The following LRRTM4 variants were observed in gnomAD, a reference collection of about 807,000 sequenced individuals.
LRRTM4 encodes the protein leucine-rich repeat transmembrane neuronal protein 4.
A neutral mutation model predicts 47.6 loss-of-function variants in LRRTM4; 25 were observed. The observed-to-expected ratio is 0.53, with a 90% CI of 0.38 to 0.73. The LOEUF (loss-of-function observed/expected upper bound fraction) is 0.73, where lower values mean the gene tolerates loss of function less well. Among genes scored for constraint, LRRTM4 ranks in the 30% least tolerant of loss-of-function variants. The probability of loss-of-function intolerance (pLI) is 0.00; values close to 1 mark genes in which losing one functional copy is unlikely to be tolerated. For synonymous variants in LRRTM4, 311 were observed against 269.5 expected (o/e 1.15, Z -1.51); for missense variants, 638 against 713.4 (o/e 0.89, Z 1.20).
intron 3 of LRRTM4, among the ~76,000 whole-genome samples, chr2:77,011,290 G>C (rs1280205924): frequency 6.6e-6 from 1 of 152,054 alleles, no homozygotes; most frequent in Non-Finnish European, 1.5e-5. Flanking sequence ...CTAAAAATTA[G>C]AGTGTATTTG....
chr2:77,276,908 C>G (rs115397811), intron 3 of LRRTM4, among the ~76,000 whole-genome samples: 1 of 150,968 alleles, frequency 6.6e-6, no homozygotes, highest in South Asian at 2.1e-4. Flanking sequence ...GAAAAGAGGG[C>G]AAATTTCGAG....
chr2:76,798,946 G>A (rs1304447096), intron 3 of LRRTM4, among the ~76,000 whole-genome samples: 2 of 150,374 alleles, frequency 1.3e-5, no homozygotes, highest in East Asian at 1.9e-4. Flanking sequence ...AGCTGAAATT[G>A]TGGCAATAAT....
chr2:77,232,380 C>G (rs1266618823), intron 3 of LRRTM4, among the ~76,000 whole-genome samples: 2 of 152,194 alleles, frequency 1.3e-5, no homozygotes, highest in African/African-American at 4.8e-5. Flanking sequence ...TAACATGTAT[C>G]TTTCCATGTT....
chr2:77,260,025 A>G (rs1383161458), intron 3 of LRRTM4, among the ~76,000 whole-genome samples: 1 of 152,082 alleles, frequency 6.6e-6, no homozygotes, highest in East Asian at 1.9e-4. Context: ...AATTAGTGTC[A>G]GGAGGTTTTA....
chr2:77,018,473 T>G (rs1050984795), intron 3 of LRRTM4, among the ~76,000 whole-genome samples: 1 of 152,124 alleles, frequency 6.6e-6, no homozygotes, highest in Non-Finnish European at 1.5e-5. Flanking sequence ...TGCACTAGAC[T>G]GCTCTGTATG....
chr2:76,942,178 G>A (rs1405841556), intron 3 of LRRTM4, among the ~76,000 whole-genome samples: 1 of 151,664 alleles, frequency 6.6e-6, no homozygotes, highest in African/African-American at 2.4e-5. Context: ...TTGTAAATTT[G>A]TTTAAGTTCC....
Position 76,838,826 on chromosome 2 carries a change from G to C in LRRTM4, c.1552-89910C>G, listed in dbSNP as rs1671591169. Among the ~76,000 whole-genome samples the C allele has an allele frequency of 3.9e-5, 6 of 152,044 alleles. No individual in the cohort carries two copies. The South Asian group carries it at 1.2e-3, about 31-fold the overall frequency. On this transcript the variant is annotated intron_variant, in intron 3 of 3. Coordinates refer to ENST00000409884, the MANE Select transcript of LRRTM4 (RefSeq NM_001134745.3). The stretch of plus-strand genomic sequence containing the variant: ...GACTCAAAGAGCTAGATAAAATCCT[G>C]AATTTCATCTTCGAAAATTTCAGAT...
chr2:76,992,706 A>C (rs1313011805), intron 3 of LRRTM4, among the ~76,000 whole-genome samples: 1 of 151,734 alleles, frequency 6.6e-6, no homozygotes, highest in Non-Finnish European at 1.5e-5. Flanking sequence ...TGCCCAAAAC[A>C]ACCTGTAGAT....
chr2:77,258,404 A>C (rs1357672964), intron 3 of LRRTM4, among the ~76,000 whole-genome samples: 1 of 152,064 alleles, frequency 6.6e-6, no homozygotes, highest in African/African-American at 2.4e-5. Context: ...TCATGAATGT[A>C]CTCATGCAAT....
chr2:77,064,450 G>A (rs1360617550), intron 3 of LRRTM4, among the ~76,000 whole-genome samples: 2 of 152,118 alleles, frequency 1.3e-5, no homozygotes, highest in Non-Finnish European at 2.9e-5. Flanking sequence ...TTCAAAGTTG[G>A]CATTTTCTTC....
chr2:77,033,325 TA>T (rs1352573338), intron 3 of LRRTM4, among the ~76,000 whole-genome samples: 3 of 131,838 alleles, frequency 2.3e-5, no homozygotes, highest in Admixed American at 7.8e-5. Flanking sequence ...AAATGCCAAG[TA>T]AAGATTATTA....
chr2:77,141,480 G>T (rs1324763789), intron 3 of LRRTM4, among the ~76,000 whole-genome samples: 1 of 138,070 alleles, frequency 7.2e-6, no homozygotes, highest in African/African-American at 2.6e-5. Context: ...ATGGGGTGGG[G>T]GGAGGGTGGA....
intron 3 of LRRTM4, among the ~76,000 whole-genome samples, chr2:76,822,432 A>G (rs1364930143): frequency 1.3e-5 from 2 of 151,608 alleles, no homozygotes; most frequent in African/African-American, 2.4e-5. Context: ...AAAAGAAAAA[A>G]TTTGTGTTTC....
intron 3 of LRRTM4, among the ~76,000 whole-genome samples, chr2:77,129,944 T>C (rs1283336970): frequency 6.6e-6 from 1 of 152,210 alleles, no homozygotes; most frequent in Non-Finnish European, 1.5e-5. Context: ...GTGACGTGCC[T>C]AAAAATACGA....
chr2:76,993,476 C>T (rs987627687), intron 3 of LRRTM4, among the ~76,000 whole-genome samples: 1 of 151,860 alleles, frequency 6.6e-6, no homozygotes, highest in Non-Finnish European at 1.5e-5. Context: ...CAAAAGAAAA[C>T]ATACATTTGG....
intron 3 of LRRTM4, among the ~76,000 whole-genome samples, chr2:77,148,289 G>A (rs1473498043): frequency 4.5e-4 from 69 of 152,116 alleles, no homozygotes; most frequent in Non-Finnish European, 1.6e-4. Flanking sequence ...GAATGATTTG[G>A]CATATCTTAA....
Position 77,035,402 on chromosome 2 carries a change from T to C in LRRTM4, c.1552-286486A>G, listed in dbSNP as rs1678801265. Among the ~76,000 whole-genome samples the C allele has an allele frequency of 2.6e-5, 4 of 151,940 alleles. No individual in the cohort carries two copies. In the South Asian group the frequency reaches 8.3e-4, roughly 31 times the overall value. ...ACATTGGTATAATCAAGAAACAGCA[T>C]GTCCATCACTACGAAGGTCCGTCCT... On this transcript the variant is annotated intron_variant, in intron 3 of 3. Transcript: ENST00000409884.
chr2:77,042,425 T>TA (rs1335854140), intron 3 of LRRTM4, among the ~76,000 whole-genome samples: 5 of 151,590 alleles, frequency 3.3e-5, no homozygotes, highest in African/African-American at 1.2e-4. Flanking sequence ...AGTTATTTTT[T>TA]AAAAAGTTAT....
intron 3 of LRRTM4, among the ~76,000 whole-genome samples, chr2:76,806,348 G>C (rs1675966763): frequency 6.6e-6 from 1 of 152,252 alleles, no homozygotes. Flanking sequence ...TTGGGAGTCT[G>C]AGGATGGTGG....
Sources: allele counts gnomAD v4.1 joint callset (sites outside exome capture counted in the v4.1 genomes callset), GRCh38; gene constraint gnomAD v4.1.1; transcripts MANE v1.5; gene names NCBI Gene and HGNC (gene_info 2026-07-23, HGNC 2026-07-21).